Variants in ZC3H7A observed in about 807,000 individuals in gnomAD.
The protein encoded by ZC3H7A is zinc finger CCCH-type containing 7A, also known as zinc finger CCCH domain-containing protein 7A.
In ZC3H7A, 44 loss-of-function variants were observed where a neutral mutation model predicts 125.5. The ratio of observed to expected loss-of-function variants is 0.35; its 90% CI spans 0.28 to 0.45. The LOEUF (loss-of-function observed/expected upper bound fraction) is 0.45, where lower values mean the gene tolerates loss of function less well. Ranked by LOEUF, ZC3H7A falls within the 20% of genes least tolerant of loss-of-function variation. The pLI is 1.00. For synonymous variants in ZC3H7A, 399 were observed against 391.2 expected (o/e 1.02, Z -0.23); for missense variants, 977 against 1,170.7 (o/e 0.83, Z 2.41).
intron 1 of ZC3H7A, among the ~76,000 whole-genome samples, chr16:11,789,123 G>A (rs2053308327): frequency 6.6e-6 from 1 of 152,208 alleles, no homozygotes. Flanking sequence ...GGTTGTGACA[G>A]TGTGCTACAG....
intron 1 of ZC3H7A, chr16:11,796,890 C>T (rs1158881026): frequency 1.3e-5 from 2 of 150,998 alleles, no homozygotes; most frequent in East Asian, 3.9e-4. Context: ...ACGTTATTCT[C>T]GGTGGGGGAA....
At chr16:11,773,656 G>A (rs1205306228) in intron 9 of ZC3H7A, among the ~76,000 whole-genome samples, 2 of 151,796 alleles carry the variant, frequency 1.3e-5, no homozygotes, top group African/African-American at 2.4e-5. Flanking sequence ...GCCGAGGCGG[G>A]TGGATCACGA....
intron 1 of ZC3H7A, among the ~76,000 whole-genome samples, chr16:11,795,709 T>TTAC (rs2053426092): frequency 6.6e-6 from 1 of 152,106 alleles, no homozygotes; most frequent in African/African-American, 2.4e-5. Context: ...AGTGCTGGGA[T>TTAC]TACAGACGTT....
At chr16:11,771,869 GC>G (rs1019399933) in intron 9 of ZC3H7A, among the ~76,000 whole-genome samples, 1 of 151,972 alleles carries the variant, frequency 6.6e-6, no homozygotes, top group Non-Finnish European at 1.5e-5. Flanking sequence ...ATGCTTCCCT[GC>G]CCTTACCTGA....
At chr16:11,791,088 A>AACACACACACACACACACACAC (rs34972921) in intron 1 of ZC3H7A, among the ~76,000 whole-genome samples, 1 of 136,016 alleles carries the variant, frequency 7.4e-6, no homozygotes, top group African/African-American at 2.8e-5. Context: ...AAATTTTTAA[A>AACACACACACACACACACACAC]ACACACACAC....
chr16:11,774,434 G>A lies in ZC3H7A; in HGVS notation c.705C>T (p.Ala235=). Residue 235 remains alanine (A), a synonymous_variant, in exon 9 of 23, where the codon GCC becomes GCT. Coordinates refer to ENST00000355758, the MANE Select transcript of ZC3H7A (RefSeq NM_014153.4). The stretch of plus-strand genomic sequence containing the variant: ...AAGTTAAGGGCATAACAGGAACTGA[G>A]GCCAGCTCACTTCCAACTTCATGAG... ...SFSHEVGSEL[A]SVPVMPLTSI... is the part of the protein sequence containing the mutation. The A allele has an allele frequency of 6.2e-7, 1 of 1,606,318 alleles. No homozygotes were observed. The highest frequency in any genetic ancestry group is 8.5e-7 in the Non-Finnish European group (1 of 1,174,930).
chr16:11,763,113 G>GTTT (rs762463810), intron 16 of ZC3H7A: 21 of 187,572 alleles, frequency 1.1e-4, no homozygotes, highest in South Asian at 5.1e-4. Flanking sequence ...ATTCCTTTTT[G>GTTT]TTTTTTTTTT....
intron 3 of ZC3H7A, among the ~76,000 whole-genome samples, chr16:11,780,432 T>C (rs2053157097): frequency 6.6e-6 from 1 of 152,178 alleles, no homozygotes; most frequent in Admixed American, 6.6e-5. Flanking sequence ...TAATTTAGTA[T>C]TTTAAAAGCT....
intron 4 of ZC3H7A, among the ~76,000 whole-genome samples, chr16:11,778,436 CAAAAAA>C (rs754842530): frequency 2.7e-5 from 2 of 74,090 alleles, no homozygotes; most frequent in Non-Finnish European, 5.1e-5. Flanking sequence ...GACACTGTCT[CAAAAAA>C]AAAAAAAAAA....
At chr16:11,760,127 A>AAAAAAAAAAAAG in intron 19 of ZC3H7A, among the ~76,000 whole-genome samples, 1 of 144,572 alleles carries the variant, frequency 6.9e-6, no homozygotes, top group African/African-American at 2.6e-5. Flanking sequence ...AAAATGAAAA[A>AAAAAAAAAAAAG]AAAAAAAAAA....
chr16:11,754,233 A>G (rs948542694), intron 21 of ZC3H7A, among the ~76,000 whole-genome samples: 2 of 145,560 alleles, frequency 1.4e-5, no homozygotes, highest in African/African-American at 2.6e-5. Flanking sequence ...TAGTGGCTGC[A>G]GTGAGCCATA....
At chr16:11,752,951 G>A (rs1030952610) in intron 21 of ZC3H7A, 119 bp from the exon 22 acceptor site, 9 of 1,324,502 alleles carry the variant, frequency 6.8e-6, no homozygotes, top group Non-Finnish European at 9.2e-6. Context: ...GTTAGAAATA[G>A]GGACAAGGAA....
intron 5 of ZC3H7A, 21 bp downstream of exon 5, chr16:11,776,730 A>C: frequency 6.3e-7 from 1 of 1,579,636 alleles, no homozygotes; most frequent in Non-Finnish European, 8.6e-7. Context: ...GATGTAAACA[A>C]ATAAACTATA....
intron 1 of ZC3H7A, among the ~76,000 whole-genome samples, chr16:11,795,913 C>G (rs1313601974): frequency 6.6e-6 from 1 of 152,158 alleles, no homozygotes; most frequent in African/African-American, 2.4e-5. Flanking sequence ...AGGGATTCTC[C>G]CACCCCAGCC....
intron 4 of ZC3H7A, among the ~76,000 whole-genome samples, chr16:11,778,203 G>T (rs1218853923): frequency 6.6e-6 from 1 of 152,038 alleles, no homozygotes; most frequent in Admixed American, 6.5e-5. Flanking sequence ...TTGGGAGGCT[G>T]AGGCGGGCAG....
intron 1 of ZC3H7A, among the ~76,000 whole-genome samples, chr16:11,790,665 G>A (rs191800364): frequency 4.0e-5 from 6 of 151,378 alleles, no homozygotes; most frequent in Non-Finnish European, 5.9e-5. Flanking sequence ...TCAGCCTCCC[G>A]AGTAGCTGTG....
intron 1 of ZC3H7A, among the ~76,000 whole-genome samples, chr16:11,794,461 T>C (rs1365804681): frequency 2.0e-5 from 3 of 152,204 alleles, no homozygotes; most frequent in Non-Finnish European, 2.9e-5. Flanking sequence ...TTAAAAATTA[T>C]CTAAAATTTC....
intron 1 of ZC3H7A, 144 bp from the exon 2 acceptor site, chr16:11,782,532 G>A: frequency 1.5e-6 from 1 of 650,732 alleles, no homozygotes; most frequent in Non-Finnish European, 2.7e-6. Flanking sequence ...GGACGGCAGG[G>A]ACCGTACAGG....
At chr16:11,779,705 C>A (rs61520862) in intron 3 of ZC3H7A, among the ~76,000 whole-genome samples, 1 of 152,188 alleles carries the variant, frequency 6.6e-6, no homozygotes, top group Non-Finnish European at 1.5e-5. Flanking sequence ...AGCAGTATTT[C>A]CAAATTGCCT....
Sources: allele counts gnomAD v4.1 joint callset (sites outside exome capture counted in the v4.1 genomes callset), GRCh38; gene constraint gnomAD v4.1.1; transcripts MANE v1.5; gene names NCBI Gene and HGNC (gene_info 2026-07-23, HGNC 2026-07-21).